Variants in XAF1 observed in about 807,000 individuals in gnomAD.
XAF1 encodes the protein XIAP associated factor 1, also known as XIAP-associated factor 1.
Under a neutral mutation model 32.3 loss-of-function variants are expected in XAF1, and 32 were observed. The observed-to-expected ratio is 0.99, with a 90% CI of 0.75 to 1.33. The LOEUF (loss-of-function observed/expected upper bound fraction) is 1.33, where lower values mean the gene tolerates loss of function less well. Ranked by LOEUF, XAF1 falls within the 40% of genes most tolerant of loss-of-function variation. The pLI is 0.00. For synonymous variants in XAF1, 120 were observed against 125.9 expected (o/e 0.95, Z 0.31); for missense variants, 379 against 366.0 (o/e 1.04, Z -0.29).
chr17:6,762,122 A>G (rs1489727966), intron 4 of XAF1, 33 bp from the exon 5 acceptor site: 3 of 1,611,752 alleles, frequency 1.9e-6, no homozygotes, highest in Non-Finnish European at 2.5e-6. Flanking sequence ...GACAAGGACA[A>G]TCATTTGTGG....
intron 2 of XAF1, chr17:6,758,542 C>G: frequency 2.5e-6 from 1 of 404,210 alleles, no homozygotes; most frequent in Non-Finnish European, 4.6e-6. Context: ...CAGATGGGGT[C>G]TGAGAGTCAA....
Position 6,760,502 on chromosome 17 carries a change from C to T in XAF1, c.322C>T (p.Arg108Trp), listed in dbSNP as rs1394440656. 1.9e-5 allele frequency: 30 copies of T among 1,613,364 alleles called. No homozygotes were observed. The highest frequency in any genetic ancestry group is 1.7e-4 in the Middle Eastern group (1 of 6,000). Reference protein sequence around the residue: ...LELHESYCGSRTELCQGCGQF... With the variant: ...LELHESYCGSWTELCQGCGQF... ...GCTCCACGAGTCCTACTGTGGCAGC[C>T]GGACAGAGCTCTGCCAAGGCTGTGG... The change falls in exon 4 of 7, where the codon CGG (arginine) becomes TGG (tryptophan). Residue 108 changes from arginine (R) to tryptophan (W), a missense_variant. Physicochemically the swap from Arg to Trp is moderately radical, Grantham distance 101 (BLOSUM62 -3). Coordinates refer to ENST00000361842, the MANE Select transcript of XAF1 (RefSeq NM_017523.5).
At chr17:6,766,929 G>T (rs1597742515) in intron 5 of XAF1, among the ~76,000 whole-genome samples, 1 of 152,124 alleles carries the variant, frequency 6.6e-6, no homozygotes, top group Admixed American at 6.6e-5. Context: ...CAAATCTCAG[G>T]TCTCATCTTT....
In XAF1 at chr17:6,775,095, A is replaced by G. The variant is rs1976335222; in HGVS notation, c.*1926A>G. 1 of 152,188 alleles carries G rather than the reference A, an allele frequency of 6.6e-6. No homozygotes were observed. Among genetic ancestry groups the G allele is most frequent in the African/African-American group, 2.4e-5 (1 of 41,438 alleles). 9.4% of individuals were successfully genotyped at this position (152,188 alleles called of 1,614,324 possible). ...ATACACCATGGAATACTATGCAGCC[A>G]TAAAAAAGAATGGGATCATGTCCTG... On this transcript the variant is annotated 3_prime_UTR_variant, in exon 7 of 7. Transcript: ENST00000361842.
At position 6,773,097 on chromosome 17, in the gene XAF1, T is replaced by A. The variant is rs762314888; in HGVS notation, c.850-16T>A. On this transcript the variant is annotated splice_polypyrimidine_tract_variant and intron_variant, in intron 6 of 6. Coordinates refer to ENST00000361842, the MANE Select transcript of XAF1 (RefSeq NM_017523.5). ...TACTTTAACCATATCAAACTTTTTT[T>A]ATATCCATTTCTTAGGAGAAATGCC... is the stretch of plus-strand genomic sequence containing the variant. 3.7e-6 allele frequency: 6 copies of A among 1,600,832 alleles called. No homozygotes were observed. Among genetic ancestry groups the A allele is most frequent in the East Asian group, 2.3e-5 (1 of 44,444 alleles).
chr17:6,775,206 A>G lies in XAF1; in HGVS notation c.*2037A>G, dbSNP rs1021347876. ...AACCAAATACCACATGTTCTCACTT[A>G]TAAGTAGAAGCTAAACATTGAGTAC... is the stretch of plus-strand genomic sequence containing the variant. On this transcript the variant is annotated 3_prime_UTR_variant, in exon 7 of 7. Transcript: ENST00000361842. 3 of 152,336 alleles carry G rather than the reference A, an allele frequency of 2.0e-5. No individual in the cohort carries two copies. The highest frequency in any genetic ancestry group is 3.4e-3 in the Middle Eastern group (1 of 294). 9.4% of individuals were successfully genotyped at this position (152,336 alleles called of 1,614,324 possible).
At chr17:6,762,279 T>C in intron 5 of XAF1, 39 bp downstream of exon 5, 1 of 1,516,082 alleles carries the variant, frequency 6.6e-7, no homozygotes, top group Admixed American at 1.9e-5. Flanking sequence ...GTGCCAATAG[T>C]TCATCCACAT....
intron 2 of XAF1, chr17:6,758,856 C>A: frequency 4.6e-6 from 1 of 219,356 alleles, no homozygotes; most frequent in South Asian, 4.4e-5. Context: ...TCCATCTTCC[C>A]TGCAGGAGAG....
intron 1 of XAF1, chr17:6,757,538 A>G (rs1165528319): frequency 6.9e-6 from 1 of 144,328 alleles, no homozygotes; most frequent in African/African-American, 2.6e-5. Context: ...CGTTCCTAAC[A>G]CTGTGGACCA....
upstream of XAF1, chr17:6,755,881 G>T: frequency 1.4e-6 from 2 of 1,402,490 alleles, no homozygotes; most frequent in African/African-American, 1.4e-5. Flanking sequence ...GGCCAAGGGC[G>T]ACAGCAGGGG....
At chr17:6,757,951 G>A (rs1348237882) in intron 1 of XAF1, 138 bp from the exon 2 acceptor site, 38 of 1,165,314 alleles carry the variant, frequency 3.3e-5, no homozygotes, top group Non-Finnish European at 4.3e-5. Flanking sequence ...CAGGGAGTGT[G>A]GGGCAGGTGG....
At chr17:6,756,539 A>AG (rs536573650) in intron 1 of XAF1, among the ~76,000 whole-genome samples, 174 of 131,856 alleles carry the variant, frequency 1.3e-3, no homozygotes, top group Middle Eastern at 3.9e-3. Flanking sequence ...GGGGCGGGGC[A>AG]GGGGGGACAG....
chr17:6,760,400 C>T lies in XAF1; in HGVS notation c.226-6C>T, dbSNP rs367869456. ...GTGATCATGCCCTTCCTGCTGCCTC[C>T]CACAGGCCAATGAGTGCCAGGAGCG... On this transcript the variant is annotated splice_region_variant and splice_polypyrimidine_tract_variant and intron_variant, in intron 3 of 6. Coordinates refer to ENST00000361842, the MANE Select transcript of XAF1 (RefSeq NM_017523.5). The T allele has an allele frequency of 4.4e-6, 7 of 1,608,878 alleles. No homozygotes were observed. Among genetic ancestry groups the T allele is most frequent in the Non-Finnish European group, 5.9e-6 (7 of 1,178,048 alleles).
intron 5 of XAF1, among the ~76,000 whole-genome samples, chr17:6,767,078 C>A (rs1975675016): frequency 6.6e-6 from 1 of 152,146 alleles, no homozygotes; most frequent in African/African-American, 2.4e-5. Flanking sequence ...TATTGACCAT[C>A]TTAATCTGTT....
intron 5 of XAF1, among the ~76,000 whole-genome samples, chr17:6,763,654 G>A (rs776924264): frequency 2.0e-5 from 3 of 152,134 alleles, no homozygotes; most frequent in South Asian, 2.1e-4. Flanking sequence ...GTAAACATTC[G>A]GATTGTTTCC....
chr17:6,769,358 A>G (rs1308547183), intron 5 of XAF1, among the ~76,000 whole-genome samples: 2 of 152,194 alleles, frequency 1.3e-5, no homozygotes, highest in East Asian at 3.8e-4. Flanking sequence ...TAATCATCCC[A>G]CAATGTATAT....
chr17:6,758,154 T>G lies in XAF1; in HGVS notation c.98T>G (p.Leu33Arg). The G allele has an allele frequency of 1.9e-6, 3 of 1,614,250 alleles. No homozygotes were observed. The highest frequency in any genetic ancestry group is 1.1e-5 in the South Asian group (1 of 91,088). ...GCTTACTGCCTGCGGTTCCTGGTCC[T>G]GTGTCCGGAGTGTGAGGAGCCTGTC... ...HEAYCLRFLV[L>R]CPECEEPVPK... is the part of the protein sequence containing the mutation. Residue 33 changes from leucine to arginine, a missense_variant, in exon 2 of 7, where the codon CTG becomes CGG. Leu to Arg is a moderately radical substitution (Grantham distance 102, BLOSUM62 -2). Coordinates refer to ENST00000361842, the MANE Select transcript of XAF1 (RefSeq NM_017523.5).
intron 1 of XAF1, among the ~76,000 whole-genome samples, chr17:6,757,060 G>A (rs968467676): frequency 4.6e-5 from 7 of 151,580 alleles, no homozygotes; most frequent in Non-Finnish European, 7.4e-5. Flanking sequence ...GGAGTGCAAT[G>A]GCGCGATTTC....
intron 5 of XAF1, among the ~76,000 whole-genome samples, chr17:6,762,544 G>T (rs1176744061): frequency 6.6e-6 from 1 of 152,156 alleles, no homozygotes; most frequent in Non-Finnish European, 1.5e-5. Flanking sequence ...TTGGTCCTCA[G>T]TAGGGCCTGT....
Sources: allele counts gnomAD v4.1 joint callset (sites outside exome capture counted in the v4.1 genomes callset), GRCh38; gene constraint gnomAD v4.1.1; transcripts MANE v1.5; gene names NCBI Gene and HGNC (gene_info 2026-07-23, HGNC 2026-07-21).